Variants in DPP10 observed in about 807,000 individuals in gnomAD.
The protein encoded by DPP10 is dipeptidyl peptidase like 10, also known as inactive dipeptidyl peptidase 10.
Under a neutral mutation model 120.9 loss-of-function variants are expected in DPP10, and 33 were observed. That is an observed-to-expected ratio of 0.27 (90% CI 0.21 to 0.37). The LOEUF (loss-of-function observed/expected upper bound fraction) is 0.37. DPP10 is among the 10% of genes least tolerant of loss of function. DPP10 has a pLI of 1.00. For missense variants in DPP10, 816 were observed against 942.8 expected (o/e 0.87, Z 1.76); for synonymous variants, 337 against 326.1 (o/e 1.03, Z -0.36).
At chr2:115,494,765 G>C (rs4848392) in intron 3 of DPP10, among the ~76,000 whole-genome samples, 40,527 of 151,844 alleles carry the variant, frequency 0.27, 6,402 homozygotes, top group East Asian at 0.41. Context: ...TTCAATTGTG[G>C]ATATATCAAA....
intron 1 of DPP10, chr2:115,131,060 T>A (rs2050331875): frequency 6.6e-6 from 1 of 152,252 alleles, no homozygotes; most frequent in African/African-American, 2.4e-5. Flanking sequence ...GCCATCTCAA[T>A]GGGTTTGTTC....
intron 1 of DPP10, among the ~76,000 whole-genome samples, chr2:115,039,696 AG>A (rs1055982291): frequency 4.6e-5 from 7 of 152,162 alleles, no homozygotes; most frequent in African/African-American, 1.7e-4. Context: ...AATTATTCCT[AG>A]GTTTTTTGGT....
chr2:115,843,928 A>T lies in DPP10; in HGVS notation c.*1583A>T, dbSNP rs995426555. 4 of 152,550 alleles carry T rather than the reference A, an allele frequency of 2.6e-5. No homozygotes were observed. The highest frequency in any genetic ancestry group is 9.7e-5 in the African/African-American group (4 of 41,436). The allele number at this position is 152,550 out of a possible 1,614,324, so 9.4% of individuals were successfully genotyped here. A position where few individuals can be genotyped will look rare whatever the true frequency, so the allele number is the denominator to read the frequency against. On this transcript the variant is annotated 3_prime_UTR_variant, in exon 26 of 26. Coordinates refer to ENST00000410059, the MANE Select transcript of DPP10 (RefSeq NM_020868.6). ...GGAAACTTTAAAATATCAAGGAATC[A>T]CTCAGTCACCCTCCTGTTTTGTTGA...
intron 1 of DPP10, among the ~76,000 whole-genome samples, chr2:114,903,049 C>G (rs1693705388): frequency 1.3e-5 from 2 of 152,228 alleles, no homozygotes; most frequent in South Asian, 4.1e-4. Flanking sequence ...TGGAGTCATA[C>G]AATATGTAGA....
At chr2:115,160,577 C>T (rs1416584234) in intron 1 of DPP10, among the ~76,000 whole-genome samples, 1 of 152,166 alleles carries the variant, frequency 6.6e-6, no homozygotes, top group Admixed American at 6.5e-5. Flanking sequence ...CTGTCTTGTG[C>T]TGAATACATG....
intron 1 of DPP10, chr2:114,833,892 T>C (rs555807858): frequency 2.0e-5 from 3 of 152,206 alleles, no homozygotes; most frequent in Admixed American, 2.0e-4. Flanking sequence ...CAGGCAAGAA[T>C]TTGGATGACA....
intron 1 of DPP10, among the ~76,000 whole-genome samples, chr2:115,231,211 T>C (rs2057718678): frequency 6.6e-6 from 1 of 152,016 alleles, no homozygotes; most frequent in African/African-American, 2.4e-5. Flanking sequence ...GAATTAAATA[T>C]AATTATTAAT....
rs146263381 is a variant in DPP10, at chr2:114,576,758, T to C, written c.60+133920T>C. On this transcript the variant is annotated intron_variant, in intron 1 of 25. Transcript: ENST00000410059. ...GCCAACACTAAACAAAAACACAGCA[T>C]CTGCTCTGCAAGACAGACTCAAGAT... Among the ~76,000 whole-genome samples the C allele has an allele frequency of 4.3e-3, 655 of 152,258 alleles. 1 individual carries two copies. The highest frequency in any genetic ancestry group is 6.2e-3 in the Non-Finnish European group (424 of 68,012).
At chr2:115,377,048 G>T (rs1212595092) in intron 3 of DPP10, among the ~76,000 whole-genome samples, 1 of 151,152 alleles carries the variant, frequency 6.6e-6, no homozygotes, top group Admixed American at 6.6e-5. Flanking sequence ...ATGATTTATA[G>T]TCCTTTGGGT....
intron 5 of DPP10, among the ~76,000 whole-genome samples, chr2:115,556,364 G>GTT (rs34615187): frequency 0.033 from 4,258 of 128,650 alleles, 154 homozygotes; most frequent in African/African-American, 0.078. Flanking sequence ...TTTTTGGCAG[G>GTT]TTTTTTTTTT....
At chr2:114,784,680 AG>A (rs1682622853) in intron 1 of DPP10, among the ~76,000 whole-genome samples, 1 of 152,146 alleles carries the variant, frequency 6.6e-6, no homozygotes, top group Non-Finnish European at 1.5e-5. Flanking sequence ...AACTCCACAC[AG>A]GCACCTATCA....
chr2:114,495,319 AACC>A (rs1407586530), intron 1 of DPP10, among the ~76,000 whole-genome samples: 1 of 152,198 alleles, frequency 6.6e-6, no homozygotes, highest in Non-Finnish European at 1.5e-5. Context: ...TTAAAAGTTC[AACC>A]ACATTTAACT....
intron 5 of DPP10, among the ~76,000 whole-genome samples, chr2:115,639,339 TAAGC>T (rs940352585): frequency 9.8e-5 from 15 of 152,310 alleles, no homozygotes; most frequent in African/African-American, 3.6e-4. Context: ...TTGCCTGACA[TAAGC>T]AAGATAATCT....
intron 1 of DPP10, among the ~76,000 whole-genome samples, chr2:115,209,682 A>G (rs2056380735): frequency 6.6e-6 from 1 of 152,166 alleles, no homozygotes; most frequent in Non-Finnish European, 1.5e-5. Context: ...GTGGTCTTGC[A>G]GCTCAGAACA....
chr2:115,837,420 C>A (rs1479469860), intron 24 of DPP10, among the ~76,000 whole-genome samples: 1 of 152,136 alleles, frequency 6.6e-6, no homozygotes, highest in Non-Finnish European at 1.5e-5. Flanking sequence ...TAGCTTCATT[C>A]ATGGATGAGA....
intron 1 of DPP10, among the ~76,000 whole-genome samples, chr2:114,797,278 G>T (rs1272369656): frequency 2.0e-5 from 3 of 152,160 alleles, no homozygotes; most frequent in Non-Finnish European, 2.9e-5. Flanking sequence ...TTGCTTGAGT[G>T]CTGGACCTTA....
At chr2:115,305,338 A>G (rs1574361119) in intron 1 of DPP10, among the ~76,000 whole-genome samples, 1 of 152,234 alleles carries the variant, frequency 6.6e-6, no homozygotes, top group East Asian at 1.9e-4. Context: ...TCAAAAACAA[A>G]GTCAATCAGG....
intron 19 of DPP10, among the ~76,000 whole-genome samples, chr2:115,805,368 C>T (rs996538608): frequency 1.6e-4 from 24 of 152,264 alleles, no homozygotes; most frequent in African/African-American, 5.8e-4. Context: ...TCCCTGACCC[C>T]TTGCGCTTCC....
chr2:115,486,881 T>C (rs557406641), intron 3 of DPP10, among the ~76,000 whole-genome samples: 1 of 152,258 alleles, frequency 6.6e-6, no homozygotes, highest in Admixed American at 6.6e-5. Context: ...TGCTCCATTA[T>C]CTAGCCTGAA....
Sources: gnomAD v4.1 joint callset for allele counts (sites outside exome capture counted in the v4.1 genomes callset) on GRCh38, gnomAD v4.1.1 for gene constraint, MANE v1.5 for transcripts, NCBI Gene and HGNC (gene_info 2026-07-23, HGNC 2026-07-21) for gene names.